Variants in SNTB1 observed in about 807,000 individuals in gnomAD.
SNTB1 encodes beta-1-syntrophin.
In SNTB1, 36 loss-of-function variants were observed where a neutral mutation model predicts 48.9. The observed-to-expected ratio is 0.74, with a 90% CI of 0.56 to 0.97. SNTB1 has a LOEUF of 0.97. SNTB1 is among the 50% of genes least tolerant of loss of function. The probability of loss-of-function intolerance (pLI) is 0.00; values close to 1 mark genes in which losing one functional copy is unlikely to be tolerated. For missense variants in SNTB1, 786 were observed against 703.4 expected (o/e 1.12, Z -1.33); for synonymous variants, 299 against 294.6 (o/e 1.01, Z -0.15).
chr8:120,597,837 A>G (rs149714540), intron 3 of SNTB1, among the ~76,000 whole-genome samples: 244 of 152,368 alleles, frequency 1.6e-3, no homozygotes, highest in African/African-American at 5.4e-3. Flanking sequence ...TGCTGCCCCA[A>G]CGACTTACAA....
chr8:120,553,079 C>T (rs548503865), intron 4 of SNTB1, among the ~76,000 whole-genome samples: 2 of 152,292 alleles, frequency 1.3e-5, no homozygotes, highest in African/African-American at 4.8e-5. Context: ...AGCTGCTCAC[C>T]TCCTGCTGTG....
chr8:120,729,878 G>C (rs1361556941), intron 1 of SNTB1, among the ~76,000 whole-genome samples: 1 of 152,234 alleles, frequency 6.6e-6, no homozygotes, highest in African/African-American at 2.4e-5. Context: ...TTTAAGGACA[G>C]AGTGTGAGTT....
chr8:120,642,879 C>T (rs1336696205), intron 2 of SNTB1, among the ~76,000 whole-genome samples: 2 of 152,174 alleles, frequency 1.3e-5, no homozygotes, highest in East Asian at 3.8e-4. Context: ...CTACTGCACT[C>T]CAGCCTGGGT....
chr8:120,789,868 C>A (rs1423866401), intron 1 of SNTB1, among the ~76,000 whole-genome samples: 5 of 151,870 alleles, frequency 3.3e-5, no homozygotes, highest in African/African-American at 1.2e-4. Flanking sequence ...AGGAGAGAAT[C>A]CTTCCTAACT....
intron 1 of SNTB1, among the ~76,000 whole-genome samples, chr8:120,710,444 T>C (rs1341714929): frequency 1.3e-5 from 2 of 152,216 alleles, no homozygotes; most frequent in African/African-American, 4.8e-5. Context: ...CCTGTTAACA[T>C]GTAACGCACA....
chr8:120,643,055 G>T (rs1419437184), intron 2 of SNTB1, among the ~76,000 whole-genome samples: 2 of 152,246 alleles, frequency 1.3e-5, no homozygotes, highest in African/African-American at 4.8e-5. Context: ...GCAGGCATCT[G>T]AAGGCTTGAC....
chr8:120,687,020 A>G (rs1384991177), intron 2 of SNTB1, among the ~76,000 whole-genome samples: 1 of 152,226 alleles, frequency 6.6e-6, no homozygotes, highest in Non-Finnish European at 1.5e-5. Context: ...GAGAAAAGAC[A>G]GGAAAAAGTA....
chr8:120,768,145 A>G (rs1338396212), intron 1 of SNTB1, among the ~76,000 whole-genome samples: 1 of 152,176 alleles, frequency 6.6e-6, no homozygotes, highest in Non-Finnish European at 1.5e-5. Context: ...CTTGTCACAG[A>G]AAACAGCAGC....
At chr8:120,706,624 G>A (rs1481368904) in intron 1 of SNTB1, among the ~76,000 whole-genome samples, 1 of 152,104 alleles carries the variant, frequency 6.6e-6, no homozygotes, top group Non-Finnish European at 1.5e-5. Context: ...GTGAGTAACA[G>A]GCAGAAAGGA....
chr8:120,691,918 G>C (rs1172585768), intron 2 of SNTB1, among the ~76,000 whole-genome samples: 1 of 152,144 alleles, frequency 6.6e-6, no homozygotes, highest in Non-Finnish European at 1.5e-5. Flanking sequence ...GTTTGATTGG[G>C]TGGGTAAAAG....
intron 1 of SNTB1, among the ~76,000 whole-genome samples, chr8:120,747,804 T>C (rs1333607610): frequency 1.3e-5 from 2 of 152,092 alleles, no homozygotes; most frequent in Non-Finnish European, 2.9e-5. Context: ...AACCTGCACA[T>C]GCACTCATGA....
At chr8:120,751,964 G>A (rs535962954) in intron 1 of SNTB1, among the ~76,000 whole-genome samples, 2 of 152,160 alleles carry the variant, frequency 1.3e-5, no homozygotes, top group Non-Finnish European at 2.9e-5. Flanking sequence ...CATTTAAAAT[G>A]TTGTAGACGA....
chr8:120,546,096 G>C (rs975761986), intron 5 of SNTB1, among the ~76,000 whole-genome samples: 1 of 152,160 alleles, frequency 6.6e-6, no homozygotes, highest in Non-Finnish European at 1.5e-5. Flanking sequence ...CAGAGACAGA[G>C]AGAAATGAAA....
At chr8:120,581,787 G>A (rs1204405535) in intron 3 of SNTB1, among the ~76,000 whole-genome samples, 1 of 151,982 alleles carries the variant, frequency 6.6e-6, no homozygotes, top group Non-Finnish European at 1.5e-5. Context: ...ACAGTGTCTT[G>A]CTCTGTCTTC....
intron 2 of SNTB1, among the ~76,000 whole-genome samples, chr8:120,646,029 T>C (rs1205778707): frequency 5.3e-5 from 8 of 150,256 alleles, no homozygotes; most frequent in African/African-American, 2.0e-4. Context: ...CCTGAGACTT[T>C]GCTGAAGTTG....
At chr8:120,599,023 A>G (rs930293543) in intron 3 of SNTB1, among the ~76,000 whole-genome samples, 1 of 152,108 alleles carries the variant, frequency 6.6e-6, no homozygotes, top group Non-Finnish European at 1.5e-5. Context: ...CCCTTTTTCC[A>G]TATGGGGCAA....
chr8:120,756,158 C>T (rs1182760838), intron 1 of SNTB1, among the ~76,000 whole-genome samples: 1 of 152,170 alleles, frequency 6.6e-6, no homozygotes, highest in African/African-American at 2.4e-5. Flanking sequence ...CTTCTACCTC[C>T]AACATCATTT....
chr8:120,593,462 A>G (rs1048373542), intron 3 of SNTB1, among the ~76,000 whole-genome samples: 2 of 152,214 alleles, frequency 1.3e-5, no homozygotes, highest in African/African-American at 4.8e-5. Flanking sequence ...CATCCCAGGA[A>G]CTGGACAGTG....
chr8:120,636,503 T>G (rs1345881376), intron 2 of SNTB1, among the ~76,000 whole-genome samples: 2 of 137,664 alleles, frequency 1.5e-5, no homozygotes, highest in African/African-American at 5.4e-5. Context: ...TTTGGTTTTT[T>G]GTTCTTGCGA....
Sources: allele counts gnomAD v4.1 joint callset (sites outside exome capture counted in the v4.1 genomes callset), GRCh38; gene constraint gnomAD v4.1.1; transcripts MANE v1.5; gene names NCBI Gene and HGNC (gene_info 2026-07-23, HGNC 2026-07-21).